Variants in COL23A1 observed in about 807,000 individuals in gnomAD.
COL23A1 encodes collagen alpha-1(XXIII) chain.
A neutral mutation model predicts 99.3 loss-of-function variants in COL23A1; 97 were observed. The ratio of observed to expected loss-of-function variants is 0.98; its 90% CI spans 0.83 to 1.16. The LOEUF (loss-of-function observed/expected upper bound fraction) is 1.16. Ranked by LOEUF, COL23A1 falls within the 50% of genes most tolerant of loss-of-function variation. The pLI is 0.00. For synonymous variants in COL23A1, 320 were observed against 308.2 expected (o/e 1.04, Z -0.40); for missense variants, 762 against 757.4 (o/e 1.01, Z -0.07).
At chr5:178,585,680 A>AATGCCCTACAGCCCTGGT (rs1562115348) in intron 1 of COL23A1, among the ~76,000 whole-genome samples, 1 of 110,172 alleles carries the variant, frequency 9.1e-6, no homozygotes, top group African/African-American at 3.9e-5. Context: ...ACAGCCCTGG[A>AATGCCCTACAGCCCTGGT]TGGCGCTGGG....
intron 2 of COL23A1, among the ~76,000 whole-genome samples, chr5:178,502,383 G>A (rs60436335): frequency 0.027 from 4,127 of 152,202 alleles, 193 homozygotes; most frequent in African/African-American, 0.093. Context: ...TGCCCGCCTC[G>A]GCCTCCCAAA....
At position 178,309,230 on chromosome 5, in the gene COL23A1, C is replaced by T. The variant is rs548888391; in HGVS notation, c.362-2311G>A. On this transcript the variant is annotated intron_variant, in intron 2 of 28. Transcript: ENST00000390654. The surrounding 1 kb of genome is among the most constrained non-coding windows in gnomAD (Gnocchi z 4.7). Reference sequence around the variant, plus strand: ...ACTAACGGATTTGTCTGGTGGCTCTCCTGGGTGGCATGGTTAGGCAGAGGC... The same window carrying T: ...ACTAACGGATTTGTCTGGTGGCTCTTCTGGGTGGCATGGTTAGGCAGAGGC... 5.1e-4 allele frequency among the ~76,000 whole-genome samples: 77 copies of T among 152,298 alleles called. No homozygotes were observed. The highest frequency in any genetic ancestry group is 9.4e-4 in the Non-Finnish European group (64 of 68,022).
intron 2 of COL23A1, among the ~76,000 whole-genome samples, chr5:178,521,492 G>T (rs1759941615): frequency 6.7e-6 from 1 of 149,526 alleles, no homozygotes; most frequent in Non-Finnish European, 1.5e-5. Flanking sequence ...GGCGGAGCTT[G>T]CAGTGAGCCG....
intron 2 of COL23A1, among the ~76,000 whole-genome samples, chr5:178,425,413 C>A (rs1452197218): frequency 1.3e-5 from 2 of 148,716 alleles, no homozygotes; most frequent in African/African-American, 2.5e-5. Context: ...CAGAGCAAGA[C>A]TCCATCTCAA....
At chr5:178,495,180 C>G (rs919239992) in intron 2 of COL23A1, among the ~76,000 whole-genome samples, 1 of 152,218 alleles carries the variant, frequency 6.6e-6, no homozygotes, top group Non-Finnish European at 1.5e-5. Flanking sequence ...CCCTGCACTG[C>G]AGGCTCCCTG....
chr5:178,529,299 A>G (rs1760503591), intron 2 of COL23A1, among the ~76,000 whole-genome samples: 1 of 151,088 alleles, frequency 6.6e-6, no homozygotes, highest in African/African-American at 2.5e-5. Context: ...GCTAGTGTCC[A>G]GTTGGCCCAG....
intron 2 of COL23A1, among the ~76,000 whole-genome samples, chr5:178,558,206 A>G (rs1762384586): frequency 6.6e-6 from 1 of 151,990 alleles, no homozygotes; most frequent in Non-Finnish European, 1.5e-5. Context: ...CTCCTGATGG[A>G]AGGCAGGACA....
intron 2 of COL23A1, among the ~76,000 whole-genome samples, chr5:178,321,996 CT>C (rs34320293): frequency 0.37 from 52,201 of 142,366 alleles, 9,843 homozygotes; most frequent in African/African-American, 0.48. Flanking sequence ...TAATTTTTAA[CT>C]TTTTTTTTTT....
chr5:178,457,507 G>A (rs1755859203), intron 2 of COL23A1, among the ~76,000 whole-genome samples: 1 of 152,084 alleles, frequency 6.6e-6, no homozygotes. Context: ...GAACCACTAC[G>A]CCCGGCCACA....
At chr5:178,367,325 G>A (rs997084644) in intron 2 of COL23A1, among the ~76,000 whole-genome samples, 2 of 152,162 alleles carry the variant, frequency 1.3e-5, no homozygotes, top group Non-Finnish European at 2.9e-5. Context: ...GGTGGGTCAC[G>A]CCTCTCTGTG....
intron 3 of COL23A1, among the ~76,000 whole-genome samples, chr5:178,296,360 G>C (rs1757739793): frequency 1.3e-5 from 2 of 152,114 alleles, no homozygotes; most frequent in Non-Finnish European, 2.9e-5. Context: ...TGTAACCCCT[G>C]CTGCAACCTC....
At chr5:178,417,809 G>C (rs1271612199) in intron 2 of COL23A1, among the ~76,000 whole-genome samples, 1 of 152,316 alleles carries the variant, frequency 6.6e-6, no homozygotes, top group South Asian at 2.1e-4. Flanking sequence ...CAAAATACCC[G>C]CAGAAACGAG....
At chr5:178,568,413 A>T (rs1463817960) in intron 1 of COL23A1, among the ~76,000 whole-genome samples, 1 of 152,152 alleles carries the variant, frequency 6.6e-6, no homozygotes, top group Non-Finnish European at 1.5e-5. Flanking sequence ...TAGCCTTGTT[A>T]TTTTTTAGAA....
intron 5 of COL23A1, among the ~76,000 whole-genome samples, chr5:178,273,825 G>A (rs1033808102): frequency 2.6e-5 from 4 of 152,192 alleles, no homozygotes; most frequent in Non-Finnish European, 4.4e-5. Context: ...GAGGTGGGCC[G>A]GGAAGGAACA....
intron 2 of COL23A1, among the ~76,000 whole-genome samples, chr5:178,464,501 G>A (rs773560777): frequency 6.6e-6 from 1 of 152,130 alleles, no homozygotes; most frequent in African/African-American, 2.4e-5. Context: ...ACCCCACTTA[G>A]ACACAATAAA....
intron 2 of COL23A1, among the ~76,000 whole-genome samples, chr5:178,319,792 G>A (rs556681140): frequency 6.6e-6 from 1 of 152,356 alleles, no homozygotes; most frequent in South Asian, 2.1e-4. Context: ...GGACTGAGGG[G>A]TTTCCCTGGG....
chr5:178,561,842 A>G (rs925048794), intron 1 of COL23A1: 7 of 256,550 alleles, frequency 2.7e-5, no homozygotes, highest in Non-Finnish European at 5.5e-5. Context: ...AGACGACAAG[A>G]CCTCAGCCAG....
intron 2 of COL23A1, among the ~76,000 whole-genome samples, chr5:178,418,713 G>T (rs1443227029): frequency 1.4e-5 from 2 of 145,110 alleles, no homozygotes; most frequent in South Asian, 2.1e-4. Context: ...GAGATGGAGA[G>T]GATTAGAGAG....
At chr5:178,560,643 C>G in intron 2 of COL23A1, 39 bp downstream of exon 2, 4 of 1,586,108 alleles carry the variant, frequency 2.5e-6, no homozygotes, top group Non-Finnish European at 2.6e-6. Context: ...AAACGGCGGC[C>G]GAACGCAGGA....
Sources: allele counts gnomAD v4.1 joint callset (sites outside exome capture counted in the v4.1 genomes callset), GRCh38; gene constraint gnomAD v4.1.1; non-coding constraint Gnocchi (gnomAD v3.1); transcripts MANE v1.5; gene names NCBI Gene and HGNC (gene_info 2026-07-23, HGNC 2026-07-21).